Variants in PDZD2 observed in about 807,000 individuals in gnomAD.
PDZD2 encodes PDZ domain-containing protein 2.
Under a neutral mutation model 220.7 loss-of-function variants are expected in PDZD2, and 90 were observed. That is an observed-to-expected ratio of 0.41 (90% CI 0.34 to 0.49). The LOEUF is 0.49. Ranked by LOEUF, PDZD2 falls within the 20% of genes least tolerant of loss-of-function variation. PDZD2 has a pLI of 0.28. For synonymous variants in PDZD2, 1,375 were observed against 1,450.5 expected (o/e 0.95, Z 1.18); for missense variants, 3,174 against 3,608.5 (o/e 0.88, Z 3.08).
intron 14 of PDZD2, among the ~76,000 whole-genome samples, chr5:32,067,057 T>C (rs1360297446): frequency 6.6e-6 from 1 of 152,256 alleles, no homozygotes; most frequent in Non-Finnish European, 1.5e-5. Flanking sequence ...TTAATGTATT[T>C]TTGTACCACT....
chr5:31,657,882 A>G (rs562358308), intron 1 of PDZD2, among the ~76,000 whole-genome samples: 1 of 152,268 alleles, frequency 6.6e-6, no homozygotes, highest in Admixed American at 6.5e-5. Context: ...CAGGAAAGAT[A>G]ATAGCTGCCT....
chr5:31,817,241 C>T (rs188984584), intron 2 of PDZD2, among the ~76,000 whole-genome samples: 1 of 147,680 alleles, frequency 6.8e-6, no homozygotes, highest in Non-Finnish European at 1.5e-5. Context: ...CACCTGTAAT[C>T]CCAGCACTTT....
chr5:31,982,032 C>T (rs1016018683), intron 2 of PDZD2, among the ~76,000 whole-genome samples: 2 of 152,208 alleles, frequency 1.3e-5, no homozygotes, highest in African/African-American at 2.4e-5. Context: ...TATGAAAAAG[C>T]GACTGACCCT....
At chr5:32,035,994 A>G (rs2112217020) in intron 6 of PDZD2, among the ~76,000 whole-genome samples, 1 of 152,224 alleles carries the variant, frequency 6.6e-6, no homozygotes. Context: ...CCCAGGCTGG[A>G]GTGCAGTAGC....
intron 1 of PDZD2, among the ~76,000 whole-genome samples, chr5:31,727,792 G>A (rs1749258261): frequency 6.6e-6 from 1 of 151,626 alleles, no homozygotes; most frequent in Middle Eastern, 3.5e-3. Context: ...CACGAGGTCA[G>A]GAGATGCGAG....
chr5:31,662,786 C>T (rs536532968), intron 1 of PDZD2, among the ~76,000 whole-genome samples: 19 of 152,316 alleles, frequency 1.2e-4, no homozygotes, highest in Middle Eastern at 3.4e-3. Flanking sequence ...CCCACCACCA[C>T]GCCCAGCTAA....
chr5:31,868,737 G>C lies in PDZD2; in HGVS notation c.476+69013G>C, dbSNP rs139596589. Among the ~76,000 whole-genome samples, 1,246 of 152,092 alleles carry C rather than the reference G, an allele frequency of 8.2e-3. 18 individuals carry two copies. Among genetic ancestry groups the C allele is most frequent in the African/African-American group, 0.029 (1,198 of 41,464 alleles). On this transcript the variant is annotated intron_variant, in intron 2 of 24. Coordinates refer to ENST00000438447, the MANE Select transcript of PDZD2 (RefSeq NM_178140.4). ...ATTGTTAACATTCTTGAATTACTTT[G>C]CTCATTCATAAAATGAGGCTTGCGT...
At chr5:32,037,372 G>A in intron 7 of PDZD2, 30 bp downstream of exon 7, 3 of 1,258,990 alleles carry the variant, frequency 2.4e-6, no homozygotes, top group South Asian at 2.4e-5. Flanking sequence ...GATGCAGCCT[G>A]TCTAGGATGA....
chr5:32,021,057 A>ATT (rs112705081), intron 6 of PDZD2, among the ~76,000 whole-genome samples: 10 of 143,162 alleles, frequency 7.0e-5, no homozygotes, highest in African/African-American at 1.5e-4. Context: ...AAGACTTGGA[A>ATT]TTTTTTTTTT....
chr5:32,058,628 C>T (rs1028786715), intron 12 of PDZD2, among the ~76,000 whole-genome samples: 14 of 144,816 alleles, frequency 9.7e-5, no homozygotes, highest in Admixed American at 2.8e-4. Flanking sequence ...GAGCCGAGAT[C>T]GTGCCACTGC....
intron 1 of PDZD2, among the ~76,000 whole-genome samples, chr5:31,779,608 C>T (rs566100077): frequency 5.5e-4 from 83 of 152,054 alleles, no homozygotes; most frequent in African/African-American, 1.7e-3. Context: ...CTCCTGACCT[C>T]GTGATCCGCC....
intron 6 of PDZD2, among the ~76,000 whole-genome samples, chr5:32,030,409 G>T (rs996472099): frequency 6.6e-6 from 1 of 152,206 alleles, no homozygotes; most frequent in Admixed American, 6.5e-5. Flanking sequence ...CAGGGATCAC[G>T]TGGCATTGCT....
At chr5:32,093,527 T>C (rs1365494527) in intron 21 of PDZD2, among the ~76,000 whole-genome samples, 1 of 152,202 alleles carries the variant, frequency 6.6e-6, no homozygotes, top group African/African-American at 2.4e-5. Flanking sequence ...CATATAACTT[T>C]TAACTCTCCC....
intron 1 of PDZD2, among the ~76,000 whole-genome samples, chr5:31,656,339 G>A (rs1279012063): frequency 6.6e-6 from 1 of 152,118 alleles, no homozygotes; most frequent in African/African-American, 2.4e-5. Flanking sequence ...CGGAACACCT[G>A]GCATTTTTAC....
intron 24 of PDZD2, among the ~76,000 whole-genome samples, chr5:32,104,716 TAAAAAAAAAAAAAAAAA>T (rs755177769): frequency 3.7e-4 from 11 of 30,098 alleles, no homozygotes; most frequent in African/African-American, 7.0e-4. Flanking sequence ...AGGCTCCATC[TAAAAAAAAAAAAAAAAA>T]AAAAAAAAAA....
At chr5:31,843,052 T>C (rs1757402390) in intron 2 of PDZD2, among the ~76,000 whole-genome samples, 1 of 151,970 alleles carries the variant, frequency 6.6e-6, no homozygotes, top group East Asian at 1.9e-4. Flanking sequence ...CGGCTAATTT[T>C]GTATTTTTAG....
At chr5:31,767,224 G>T (rs1322765875) in intron 1 of PDZD2, among the ~76,000 whole-genome samples, 1 of 151,874 alleles carries the variant, frequency 6.6e-6, no homozygotes. Context: ...TAGAGACGGG[G>T]TTTCACCCTG....
chr5:31,722,810 G>A (rs1748885512), intron 1 of PDZD2, among the ~76,000 whole-genome samples: 1 of 151,866 alleles, frequency 6.6e-6, no homozygotes, highest in South Asian at 2.1e-4. Flanking sequence ...CTGCTCAGCT[G>A]CCCAAGTAGC....
rs142075366 is a variant in PDZD2 at position 31,775,948 on chromosome 5, G to A, written c.-360-22941G>A. Among the ~76,000 whole-genome samples, 1,169 of 152,138 alleles carry A rather than the reference G, an allele frequency of 7.7e-3. 41 individuals are homozygous for A. The highest frequency in any genetic ancestry group is 0.069 in the Admixed American group (1,057 of 15,262). The stretch of plus-strand genomic sequence containing the variant: ...AAGGCTTCATGAGTGTGGCCAGCAT[G>A]CGTTAGGTGGACATGGGGGAGGGGC... On this transcript the variant is annotated intron_variant, in intron 1 of 24. Coordinates refer to ENST00000438447, the MANE Select transcript of PDZD2 (RefSeq NM_178140.4).
Sources: gnomAD v4.1 joint callset for allele counts (sites outside exome capture counted in the v4.1 genomes callset) on GRCh38, gnomAD v4.1.1 for gene constraint, MANE v1.5 for transcripts, NCBI Gene and HGNC (gene_info 2026-07-23, HGNC 2026-07-21) for gene names.